STOX1: variants seen among roughly 807,000 people sequenced by gnomAD.
The protein encoded by STOX1 is storkhead-box protein 1.
STOX1 carries 57 observed loss-of-function variants against 74.8 expected under a neutral mutation model. That is an observed-to-expected ratio of 0.76 (90% CI 0.62 to 0.95). STOX1 has a LOEUF of 0.95. Among genes scored for constraint, STOX1 ranks in the 40% least tolerant of loss-of-function variants. The probability of loss-of-function intolerance (pLI) is 0.00; values close to 1 mark genes in which losing one functional copy is unlikely to be tolerated. For synonymous variants in STOX1, 375 were observed against 401.3 expected, an observed-to-expected ratio of 0.93 and a Z score of 0.78; for missense variants, 1,010 against 1,117.0, an observed-to-expected ratio of 0.90 and a Z score of 1.37.
intron 1 of STOX1, among the ~76,000 whole-genome samples, chr10:68,849,819 G>A (rs191289184): frequency 2.6e-4 from 39 of 152,260 alleles, no homozygotes; most frequent in Middle Eastern, 3.4e-3. Context: ...AGGAGTTTTT[G>A]TGTTTATTGA....
At chr10:68,847,779 G>T (rs955841016) in intron 1 of STOX1, among the ~76,000 whole-genome samples, 4 of 151,588 alleles carry the variant, frequency 2.6e-5, no homozygotes, top group Non-Finnish European at 4.4e-5. Context: ...GCCCAGGCTG[G>T]AGTGCAATAA....
intron 1 of STOX1, among the ~76,000 whole-genome samples, chr10:68,877,189 G>A (rs1840701836): frequency 6.6e-6 from 1 of 152,114 alleles, no homozygotes; most frequent in Non-Finnish European, 1.5e-5. Flanking sequence ...TTTACATTTA[G>A]TTGTATTAAT....
chr10:68,868,813 A>G (rs1840468085), intron 1 of STOX1, among the ~76,000 whole-genome samples: 1 of 152,260 alleles, frequency 6.6e-6, no homozygotes, highest in Admixed American at 6.5e-5. Context: ...ATTTGGGAAG[A>G]AAAGTTAAAA....
downstream of STOX1, chr10:68,895,114 G>A (rs1841168661): frequency 6.6e-6 from 1 of 152,212 alleles, no homozygotes; most frequent in African/African-American, 2.4e-5. Context: ...TCAAGCAGAA[G>A]CTTGGTGATC....
rs544226308 is a variant in STOX1 at position 68,837,882 on chromosome 10, A to G, written c.310+9949A>G. Among the ~76,000 whole-genome samples the G allele has an allele frequency of 4.6e-5, 7 of 152,312 alleles. No individual in the cohort carries two copies. The South Asian group carries it at 1.4e-3, about 32-fold the overall frequency. On this transcript the variant is annotated intron_variant, in intron 1 of 3. Transcript: ENST00000298596. The stretch of plus-strand genomic sequence containing the variant: ...GATACCATCTATGCAAACACTTTGA[A>G]AAGTGCACAGTACAAACACCAGCAT...
At chr10:68,883,888 T>C (rs1398764835) in intron 2 of STOX1, among the ~76,000 whole-genome samples, 2 of 151,536 alleles carry the variant, frequency 1.3e-5, no homozygotes, top group Non-Finnish European at 2.9e-5. Flanking sequence ...ACCTGGCTAA[T>C]GTTTAAAAAT....
chr10:68,842,692 A>T (rs1346461948), intron 1 of STOX1, among the ~76,000 whole-genome samples: 1 of 151,480 alleles, frequency 6.6e-6, no homozygotes, highest in East Asian at 1.9e-4. Flanking sequence ...GGTACCCGCC[A>T]CCACACCTGG....
At chr10:68,884,205 C>A in intron 2 of STOX1, 55 bp from the exon 3 acceptor site, 1 of 1,488,742 alleles carries the variant, frequency 6.7e-7, no homozygotes, top group Non-Finnish European at 9.4e-7. Context: ...ACTGATTTCA[C>A]TCATTAAAAT....
At chr10:68,859,341 G>C (rs1840205182) in intron 1 of STOX1, among the ~76,000 whole-genome samples, 1 of 152,042 alleles carries the variant, frequency 6.6e-6, no homozygotes, top group Admixed American at 6.5e-5. Flanking sequence ...TCTGCATGCT[G>C]TAAGGAAATA....
intron 1 of STOX1, among the ~76,000 whole-genome samples, chr10:68,860,506 G>A (rs1840238607): frequency 6.9e-6 from 1 of 144,754 alleles, no homozygotes; most frequent in African/African-American, 2.6e-5. Context: ...GGAGGCAGAG[G>A]TTGTAGTGAG....
At chr10:68,828,364 C>A in intron 1 of STOX1, 1 of 964,228 alleles carries the variant, frequency 1.0e-6, no homozygotes, top group Non-Finnish European at 1.3e-6. Flanking sequence ...TCTTCTGCCA[C>A]AGAGGCTAGG....
intron 1 of STOX1, among the ~76,000 whole-genome samples, chr10:68,829,171 C>T (rs79048698): frequency 6.6e-6 from 1 of 152,198 alleles, no homozygotes. Context: ...GAGAAGGAGT[C>T]GCAAATAAAA....
At chr10:68,852,269 T>TG (rs1840006488) in intron 1 of STOX1, among the ~76,000 whole-genome samples, 1 of 144,732 alleles carries the variant, frequency 6.9e-6, no homozygotes, top group African/African-American at 2.5e-5. Context: ...TTTTTTTTTT[T>TG]GAGACGGAGT....
intron 1 of STOX1, among the ~76,000 whole-genome samples, chr10:68,831,189 C>T (rs1163158): frequency 0.97 from 147,307 of 152,140 alleles, 71,402 homozygotes; most frequent in Non-Finnish European, 1. Context: ...ATTTATTTAT[C>T]TATTTATTTA....
chr10:68,880,004 C>G (rs1840771540), intron 1 of STOX1, among the ~76,000 whole-genome samples: 1 of 152,056 alleles, frequency 6.6e-6, no homozygotes, highest in Admixed American at 6.6e-5. Context: ...ATTGTTCATC[C>G]TATATATATC....
intron 1 of STOX1, among the ~76,000 whole-genome samples, chr10:68,831,656 G>A (rs1839415771): frequency 6.6e-6 from 1 of 152,116 alleles, no homozygotes; most frequent in South Asian, 2.1e-4. Context: ...GGTAAGAGGA[G>A]GGAGCACCCT....
chr10:68,879,544 A>G (rs1333073080), intron 1 of STOX1, among the ~76,000 whole-genome samples: 1 of 152,024 alleles, frequency 6.6e-6, no homozygotes, highest in African/African-American at 2.4e-5. Context: ...TCCCAGAATC[A>G]TGTCCACCAT....
intron 1 of STOX1, among the ~76,000 whole-genome samples, chr10:68,841,944 G>C (rs1471536078): frequency 6.6e-6 from 1 of 152,156 alleles, no homozygotes; most frequent in Non-Finnish European, 1.5e-5. Context: ...ATGTCTCAGA[G>C]CCCCATTGTG....
At chr10:68,868,838 TAGA>T in intron 1 of STOX1, among the ~76,000 whole-genome samples, 1 of 152,336 alleles carries the variant, frequency 6.6e-6, no homozygotes, top group East Asian at 1.9e-4. Flanking sequence ...CTGATATCAG[TAGA>T]AGAACTGACA....
Sources: gnomAD v4.1 joint callset for allele counts (sites outside exome capture counted in the v4.1 genomes callset) on GRCh38, gnomAD v4.1.1 for gene constraint, MANE v1.5 for transcripts, NCBI Gene and HGNC (gene_info 2026-07-23, HGNC 2026-07-21) for gene names.